OGFOD1: variants seen among roughly 807,000 people sequenced by gnomAD.
The protein encoded by OGFOD1 is prolyl 3-hydroxylase OGFOD1.
OGFOD1 carries 54 observed loss-of-function variants against 67.7 expected under a neutral mutation model. The ratio of observed to expected loss-of-function variants is 0.80; its 90% CI spans 0.64 to 1.00. OGFOD1 has a LOEUF of 1.00. Among genes scored for constraint, OGFOD1 ranks in the 50% least tolerant of loss-of-function variants. OGFOD1 has a pLI of 0.00. For missense variants in OGFOD1, 606 were observed against 646.7 expected, an observed-to-expected ratio of 0.94 and a Z score of 0.68; for synonymous variants, 221 against 227.0, an observed-to-expected ratio of 0.97 and a Z score of 0.24.
chr16:56,462,363 GC>G (rs1323535931), intron 3 of OGFOD1, among the ~76,000 whole-genome samples, 170 bp from the exon 4 acceptor site: 21 of 152,148 alleles, frequency 1.4e-4, no homozygotes, highest in African/African-American at 5.1e-4. Context: ...CTTAAACTAT[GC>G]AAATTTGAAC....
Position 56,466,271 on chromosome 16 carries a change from A to G in OGFOD1, c.565+3A>G, listed in dbSNP as rs369401215. On this transcript the variant is annotated splice_donor_region_variant and intron_variant, in intron 5 of 12. Transcript: ENST00000566157. ...CCTGGACCTGTACAGCATTGATGGT[A>G]AGATAAGTATAAGTGCATGCACTTC... 6 of 1,587,068 alleles carry G rather than the reference A, an allele frequency of 3.8e-6. No homozygotes were observed. Among genetic ancestry groups the G allele is most frequent in the African/African-American group, 2.7e-5 (2 of 74,614 alleles).
intron 8 of OGFOD1, among the ~76,000 whole-genome samples, chr16:56,469,772 C>G (rs1246254566): frequency 1.3e-5 from 2 of 150,166 alleles, no homozygotes; most frequent in Non-Finnish European, 2.9e-5. Context: ...ATCGTTTGAA[C>G]CCAGGAGGTG....
At chr16:56,463,333 GA>G (rs1475447339) in intron 4 of OGFOD1, among the ~76,000 whole-genome samples, 1 of 146,682 alleles carries the variant, frequency 6.8e-6, no homozygotes, top group African/African-American at 2.5e-5. Context: ...TGATACATAG[GA>G]AAAGCCATAT....
intron 8 of OGFOD1, 130 bp from the exon 9 acceptor site, chr16:56,469,873 A>G (rs895132948): frequency 3.7e-6 from 2 of 547,100 alleles, no homozygotes; most frequent in Non-Finnish European, 6.3e-6. Context: ...AAAAAAAAAA[A>G]GGAATGAGAG....
chr16:56,470,908 C>T lies in OGFOD1; in HGVS notation c.1285+117C>T, dbSNP rs80099550. ...TGTGCCCTAAGCCCTATTTCAGGAA[C>T]TGAAGGACAAAACAGACAAGGTCTC... On this transcript the variant is annotated intron_variant, in intron 10 of 12. Transcript: ENST00000566157. 3,875 of 1,038,668 alleles carry T rather than the reference C, an allele frequency of 3.7e-3. 102 individuals are homozygous for T. The African/African-American group carries it at 0.055, about 15-fold the overall frequency. The allele number at this position is 1,038,668 out of a possible 1,614,324, so 64.3% of individuals were successfully genotyped here. A position where few individuals can be genotyped will look rare whatever the true frequency, so the allele number is the denominator to read the frequency against.
rs774777651 is a variant in OGFOD1 at position 56,466,214 on chromosome 16, G to T, written c.511G>T (p.Val171Phe). Residue 171 changes from valine (V) to phenylalanine (F), a missense_variant, in exon 5 of 13, where the codon GTT (valine) becomes TTT (phenylalanine). Transcript: ENST00000566157. ...GRRIAFILYLVPPWDRSMGGT... is the reference protein window; with the variant it reads ...GRRIAFILYLFPPWDRSMGGT... ...CCGGATTGCCTTCATCCTGTACCTG[G>T]TTCCTCCCTGGGACAGGAGCATGGG... 3 of 1,613,982 alleles carry T rather than the reference G, an allele frequency of 1.9e-6. No individual in the cohort carries two copies. The African/African-American group carries it at 4.0e-5, about 22-fold the overall frequency.
chr16:56,467,110 TGGC>T (rs1479501271), intron 6 of OGFOD1, 52 bp from the exon 7 acceptor site: 1 of 1,611,268 alleles, frequency 6.2e-7, no homozygotes, highest in African/African-American at 1.3e-5. Flanking sequence ...TAATGTGCAT[TGGC>T]GGTAATCCCC....
chr16:56,467,790 TAGG>T lies in OGFOD1; in HGVS notation c.787-112_787-110del. The T allele has an allele frequency of 4.4e-6, 3 of 686,568 alleles. No individual in the cohort carries two copies. In the South Asian group the frequency reaches 4.8e-5, roughly 11 times the overall value. The allele number at this position is 686,568 out of a possible 1,614,324, so 42.5% of individuals were successfully genotyped here. A position where few individuals can be genotyped will look rare whatever the true frequency, so the allele number is the denominator to read the frequency against. On this transcript the variant is annotated intron_variant, in intron 7 of 12. Coordinates refer to ENST00000566157, the MANE Select transcript of OGFOD1 (RefSeq NM_018233.4). ...CAAGCAGAGTTTTCCAGTACTTTAA[TAGG>T]AGAAACTTATAAAATGAGGATTTGC... is the stretch of plus-strand genomic sequence containing the variant.
rs200156790 is a variant in OGFOD1, at chr16:56,467,264, A to G, written c.757A>G (p.Ile253Val). 1.0e-4 allele frequency: 167 copies of G among 1,614,038 alleles called. No homozygotes were observed. In the East Asian group the frequency reaches 2.7e-3, roughly 26 times the overall value. Reference sequence around the variant, plus strand: ...GCCTCCCAACTACTTTGAACCCCCCATACCTCGGAGCCCTCACATCCCACA... The same window carrying G: ...GCCTCCCAACTACTTTGAACCCCCCGTACCTCGGAGCCCTCACATCCCACA... ...TRPPNYFEPP[I>V]PRSPHIPQDH... The change falls in exon 7 of 13, where the codon ATA (isoleucine) becomes GTA (valine). Residue 253 changes from isoleucine (I) to valine (V), a missense_variant. Coordinates refer to ENST00000566157, the MANE Select transcript of OGFOD1 (RefSeq NM_018233.4).
At chr16:56,464,399 C>G (rs374351437) in intron 4 of OGFOD1, among the ~76,000 whole-genome samples, 18 of 152,170 alleles carry the variant, frequency 1.2e-4, no homozygotes, top group African/African-American at 4.1e-4. Flanking sequence ...ATGTAAATAT[C>G]CCATTTCTCA....
rs1328445036 is a variant in OGFOD1 at position 56,451,657 on chromosome 16, A to T, written c.45A>T (p.Gly15=). 1 of 1,613,532 alleles carries T rather than the reference A, an allele frequency of 6.2e-7. No homozygotes were observed. The highest frequency in any genetic ancestry group is 1.7e-5 in the Admixed American group (1 of 60,008). Residue 15 remains glycine, a synonymous_variant, in exon 1 of 13, where the codon GGA becomes GGT. Transcript: ENST00000566157. ...CGGAGCCCGGCCCAGCCCGGGTGGG[A>T]AAAAAGGGAAAGAAGGAGGTGATGG... ...RPAEPGPARV[G]KKGKKEVMAE...
At chr16:56,460,417 T>C (rs1302856091) in intron 3 of OGFOD1, among the ~76,000 whole-genome samples, 2 of 152,262 alleles carry the variant, frequency 1.3e-5, no homozygotes, top group African/African-American at 4.8e-5. Flanking sequence ...TTGTGAAAGC[T>C]AATGTTACCA....
intron 7 of OGFOD1, 58 bp downstream of exon 7, chr16:56,467,351 T>G (rs1429908595): frequency 6.3e-7 from 1 of 1,586,108 alleles, no homozygotes; most frequent in African/African-American, 1.3e-5. Flanking sequence ...TTTGTTTCTC[T>G]GATTTTAAAA....
At position 56,477,091 on chromosome 16, in the gene OGFOD1, T is replaced by TGCAC. The variant is rs1400344676; in HGVS notation, c.*887_*890dup. 6.6e-6 allele frequency: 1 copy of TGCAC among 151,772 alleles called. No individual in the cohort carries two copies. Among genetic ancestry groups the TGCAC allele is most frequent in the Non-Finnish European group, 1.5e-5 (1 of 68,020 alleles). 9.4% of individuals were successfully genotyped at this position (151,772 alleles called of 1,614,324 possible). On this transcript the variant is annotated 3_prime_UTR_variant, in exon 13 of 13. Coordinates refer to ENST00000566157, the MANE Select transcript of OGFOD1 (RefSeq NM_018233.4). ...TTGCAGTGAGCCGAGATTGTGCCAC[T>TGCAC]GCACTCCAGCCTGGGCAACAAGAGT... is the stretch of plus-strand genomic sequence containing the variant.
In OGFOD1 at chr16:56,470,806, G is replaced by C; in HGVS notation, c.1285+15G>C. ...AACAAAGAAAGGTAAGCTGTTGTTA[G>C]GATTTGTCCTTACTTACCATTAACC... On this transcript the variant is annotated intron_variant, in intron 10 of 12. Coordinates refer to ENST00000566157, the MANE Select transcript of OGFOD1 (RefSeq NM_018233.4). The C allele has an allele frequency of 1.3e-6, 2 of 1,560,462 alleles. No individual in the cohort carries two copies. Among genetic ancestry groups the C allele is most frequent in the Non-Finnish European group, 1.7e-6 (2 of 1,155,928 alleles).
intron 2 of OGFOD1, among the ~76,000 whole-genome samples, chr16:56,455,182 A>G (rs1001881783): frequency 2.0e-5 from 3 of 152,174 alleles, no homozygotes; most frequent in Non-Finnish European, 4.4e-5. Flanking sequence ...CCTGGCTAAC[A>G]CAGTGAAACC....
chr16:56,466,189 C>G lies in OGFOD1; in HGVS notation c.486C>G (p.Arg162=). 2 of 1,614,050 alleles carry G rather than the reference C, an allele frequency of 1.2e-6. No individual in the cohort carries two copies. Among genetic ancestry groups the G allele is most frequent in the South Asian group, 2.2e-5 (2 of 91,084 alleles). The change falls in exon 5 of 13, where the codon CGC becomes CGG. Residue 162 remains arginine, a synonymous_variant. Transcript: ENST00000566157. ...LLCHDDELEG[R]RIAFILYLVP... is the part of the protein sequence containing the mutation. ...GCCATGATGATGAGCTGGAAGGGCG[C>G]CGGATTGCCTTCATCCTGTACCTGG... is the stretch of plus-strand genomic sequence containing the variant.
chr16:56,463,683 A>C (rs551366162), intron 4 of OGFOD1, among the ~76,000 whole-genome samples: 1 of 151,242 alleles, frequency 6.6e-6, no homozygotes, highest in Non-Finnish European at 1.5e-5. Flanking sequence ...TTGCCTCCCA[A>C]AATAGTGGGA....
At position 56,478,120 on chromosome 16, in the gene OGFOD1, T is replaced by A. The variant is rs925774289; in HGVS notation, c.*1915T>A. On this transcript the variant is annotated 3_prime_UTR_variant, in exon 13 of 13. Coordinates refer to ENST00000566157, the MANE Select transcript of OGFOD1 (RefSeq NM_018233.4). Reference sequence around the variant, plus strand: ...CTAACATTGTCTTCCCCTATGCATATGGTAACGAACCATTTTACACCATAC... The same window carrying A: ...CTAACATTGTCTTCCCCTATGCATAAGGTAACGAACCATTTTACACCATAC... The A allele has an allele frequency of 1.3e-5, 2 of 152,208 alleles. No homozygotes were observed. The highest frequency in any genetic ancestry group is 4.8e-5 in the African/African-American group (2 of 41,444). The allele number at this position is 152,208 out of a possible 1,614,324, so 9.4% of individuals were successfully genotyped here. A position where few individuals can be genotyped will look rare whatever the true frequency, so the allele number is the denominator to read the frequency against.
Sources: gnomAD v4.1 joint callset for allele counts (sites outside exome capture counted in the v4.1 genomes callset) on GRCh38, gnomAD v4.1.1 for gene constraint, MANE v1.5 for transcripts, NCBI Gene and HGNC (gene_info 2026-07-23, HGNC 2026-07-21) for gene names.